WDPCP: variants seen among roughly 807,000 people sequenced by gnomAD.
WDPCP encodes the protein WD repeat containing planar cell polarity effector, also known as WD repeat-containing and planar cell polarity effector protein fritz homolog.
In WDPCP, 71 loss-of-function variants were observed where a neutral mutation model predicts 93.1. The observed-to-expected ratio is 0.76, with a 90% CI of 0.63 to 0.93. WDPCP has a LOEUF of 0.93. Among genes scored for constraint, WDPCP ranks in the 40% least tolerant of loss-of-function variants. The pLI, the probability that WDPCP is intolerant of heterozygous loss-of-function variation, is 0.00. For synonymous variants in WDPCP, 315 were observed against 315.0 expected, an observed-to-expected ratio of 1.00 and a Z score of 0.00; for missense variants, 844 against 887.4, an observed-to-expected ratio of 0.95 and a Z score of 0.62.
At chr2:63,625,325 G>A (rs1709798213) in intron 3 of WDPCP, among the ~76,000 whole-genome samples, 1 of 152,096 alleles carries the variant, frequency 6.6e-6, no homozygotes, top group Admixed American at 6.5e-5. Context: ...AAGTTCTGGC[G>A]AGGGCAATTA....
chr2:63,595,727 T>C (rs1430166864), intron 3 of WDPCP, among the ~76,000 whole-genome samples: 1 of 152,186 alleles, frequency 6.6e-6, no homozygotes, highest in East Asian at 1.9e-4. Flanking sequence ...TAAAGGACTA[T>C]CCTTTTTTCC....
intron 3 of WDPCP, among the ~76,000 whole-genome samples, chr2:63,628,382 A>G (rs370893933): frequency 6.6e-6 from 1 of 152,198 alleles, no homozygotes; most frequent in Non-Finnish European, 1.5e-5. Flanking sequence ...TTTTTGTATA[A>G]TATCAAATAT....
At chr2:63,151,996 A>G (rs938640583) in intron 17 of WDPCP, among the ~76,000 whole-genome samples, 1 of 152,154 alleles carries the variant, frequency 6.6e-6, no homozygotes, top group South Asian at 2.1e-4. Context: ...ATAACAGGGA[A>G]TTGCTATTTC....
chr2:63,540,101 T>C (rs1263640680), intron 1 of WDPCP, among the ~76,000 whole-genome samples: 1 of 152,210 alleles, frequency 6.6e-6, no homozygotes, highest in African/African-American at 2.4e-5. Context: ...GACTTAAAGA[T>C]GCTATGTATA....
chr2:63,494,287 T>TGACGACGACGACGAC lies in WDPCP; in HGVS notation c.76-1362_76-1348dup, dbSNP rs11281691. Among the ~76,000 whole-genome samples, 294 of 150,454 alleles carry TGACGACGACGACGAC rather than the reference T, an allele frequency of 2.0e-3. 1 individual carries two copies. The highest frequency in any genetic ancestry group is 6.9e-3 in the Middle Eastern group (2 of 288). ...CACCAGATGATGATGATGATGATGA[T>TGACGACGACGACGAC]GACGACGACGACGACAATGATGATG... On this transcript the variant is annotated intron_variant, in intron 1 of 17. Transcript: ENST00000272321.
At chr2:63,476,743 T>C (rs927089718) in intron 6 of WDPCP, among the ~76,000 whole-genome samples, 2 of 152,204 alleles carry the variant, frequency 1.3e-5, no homozygotes, top group African/African-American at 2.4e-5. Context: ...CTTGAAAACA[T>C]GGTATGTCTA....
chr2:63,737,914 A>G (rs1198653855), intron 2 of WDPCP, among the ~76,000 whole-genome samples: 1 of 152,116 alleles, frequency 6.6e-6, no homozygotes, highest in Non-Finnish European at 1.5e-5. Flanking sequence ...GAGTTAGTAT[A>G]CATCTAGATC....
chr2:63,714,538 T>C (rs1669307390), intron 2 of WDPCP, among the ~76,000 whole-genome samples: 1 of 152,160 alleles, frequency 6.6e-6, no homozygotes, highest in Non-Finnish European at 1.5e-5. Flanking sequence ...AACCCAGCAA[T>C]TCCAGTCATA....
intron 14 of WDPCP, among the ~76,000 whole-genome samples, chr2:63,252,547 C>G (rs1680819859): frequency 6.6e-6 from 1 of 152,126 alleles, no homozygotes; most frequent in Non-Finnish European, 1.5e-5. Context: ...CCAGAAGACT[C>G]CTAGACCTGA....
At chr2:63,385,334 G>C (rs1460285634) in intron 10 of WDPCP, among the ~76,000 whole-genome samples, 1 of 152,110 alleles carries the variant, frequency 6.6e-6, no homozygotes, top group Non-Finnish European at 1.5e-5. Context: ...GTTTAGATAA[G>C]ATGATGTAAC....
At chr2:63,607,265 A>T (rs910376021) in intron 3 of WDPCP, 3 of 203,984 alleles carry the variant, frequency 1.5e-5, no homozygotes, top group African/African-American at 7.1e-5. Context: ...GGACAGGCGC[A>T]GTGACTGACA....
intron 3 of WDPCP, among the ~76,000 whole-genome samples, chr2:63,628,927 A>G (rs1289319861): frequency 2.0e-5 from 3 of 152,188 alleles, no homozygotes; most frequent in Non-Finnish European, 4.4e-5. Flanking sequence ...CCACACTTGG[A>G]CTCAACAATG....
chr2:63,749,005 T>C (rs924104232), intron 2 of WDPCP, among the ~76,000 whole-genome samples: 1 of 152,112 alleles, frequency 6.6e-6, no homozygotes, highest in African/African-American at 2.4e-5. Flanking sequence ...CAAATCTGTG[T>C]GAGGACCATC....
chr2:63,351,126 C>T lies in WDPCP; in HGVS notation c.1748+27260G>A, dbSNP rs1575202804. Among the ~76,000 whole-genome samples the T allele has an allele frequency of 2.0e-5, 3 of 152,068 alleles. No individual in the cohort carries two copies. The South Asian group carries it at 6.2e-4, about 32-fold the overall frequency. ...CCTCTCAAGTAGCTGGGATTACAGGCGTGTGCCACCACATCTGGCTAATTT... is the reference window on the plus strand; with the variant it reads ...CCTCTCAAGTAGCTGGGATTACAGGTGTGTGCCACCACATCTGGCTAATTT... On this transcript the variant is annotated intron_variant, in intron 12 of 17. Transcript: ENST00000272321.
chr2:63,627,008 A>G (rs754199072), intron 3 of WDPCP, among the ~76,000 whole-genome samples: 1 of 151,946 alleles, frequency 6.6e-6, no homozygotes, highest in Non-Finnish European at 1.5e-5. Flanking sequence ...AATAAAATAT[A>G]TAAATAACAA....
chr2:63,335,875 G>A (rs1349508823), intron 12 of WDPCP, among the ~76,000 whole-genome samples: 1 of 152,184 alleles, frequency 6.6e-6, no homozygotes, highest in Non-Finnish European at 1.5e-5. Context: ...ACAGGTTGCA[G>A]TAAAGGAGTC....
intron 2 of WDPCP, among the ~76,000 whole-genome samples, chr2:63,788,066 T>C (rs1221881834): frequency 6.6e-6 from 1 of 151,968 alleles, no homozygotes; most frequent in Non-Finnish European, 1.5e-5. Context: ...ATAAATAAAA[T>C]AAAATAAAAA....
At chr2:63,667,252 A>G (rs1351146698) in intron 2 of WDPCP, among the ~76,000 whole-genome samples, 1 of 152,190 alleles carries the variant, frequency 6.6e-6, no homozygotes, top group East Asian at 1.9e-4. Flanking sequence ...GAATTTGGCA[A>G]GTGATGTTCA....
chr2:63,621,196 G>A (rs1024774079), intron 3 of WDPCP, among the ~76,000 whole-genome samples: 6 of 152,040 alleles, frequency 3.9e-5, no homozygotes, highest in African/African-American at 1.4e-4. Flanking sequence ...TGTAGAAGGT[G>A]GCTTCAGACG....
Sources: allele counts gnomAD v4.1 joint callset (sites outside exome capture counted in the v4.1 genomes callset), GRCh38; gene constraint gnomAD v4.1.1; transcripts MANE v1.5; gene names NCBI Gene and HGNC (gene_info 2026-07-23, HGNC 2026-07-21).